Variants in PAK2 observed in about 807,000 individuals in gnomAD.
The protein encoded by PAK2 is serine/threonine-protein kinase PAK 2.
Under a neutral mutation model 65.9 loss-of-function variants are expected in PAK2, and 21 were observed. That is an observed-to-expected ratio of 0.32 (90% CI 0.23 to 0.46). PAK2 has a LOEUF of 0.46. Ranked by LOEUF, PAK2 falls within the 20% of genes least tolerant of loss-of-function variation. PAK2 has a pLI of 1.00. For synonymous variants in PAK2, 204 were observed against 219.7 expected (o/e 0.93, Z 0.63); for missense variants, 324 against 642.6 (o/e 0.50, Z 5.36).
At chr3:196,777,179 TTATTTA>T (rs1714562464) in intron 1 of PAK2, among the ~76,000 whole-genome samples, 2 of 152,160 alleles carry the variant, frequency 1.3e-5, no homozygotes, top group Non-Finnish European at 2.9e-5. Flanking sequence ...TTTAAATGAA[TTATTTA>T]AACAACTTGG....
intron 13 of PAK2, among the ~76,000 whole-genome samples, chr3:196,825,317 G>T (rs1711813111): frequency 6.6e-6 from 1 of 151,690 alleles, no homozygotes; most frequent in African/African-American, 2.4e-5. Context: ...CTGCATTCCA[G>T]CCTGGGCAAC....
chr3:196,807,954 CG>C, intron 7 of PAK2, 40 bp downstream of exon 7: 1 of 1,565,696 alleles, frequency 6.4e-7, no homozygotes, highest in Non-Finnish European at 8.7e-7. Flanking sequence ...AAATTGTTCA[CG>C]GCTCTTAAAA....
Position 196,786,470 on chromosome 3 carries a change from CTT to C in PAK2, c.187+3642_187+3643del, listed in dbSNP as rs548308782. ...GCCACCGTGCCTGTCTTCAATTTCT[CTT>C]TTTTGTGGTTCGAGCTTTTTGTTTT... is the stretch of plus-strand genomic sequence containing the variant. On this transcript the variant is annotated intron_variant, in intron 2 of 14. Transcript: ENST00000327134. Among the ~76,000 whole-genome samples, 182 of 152,140 alleles carry C rather than the reference CTT, an allele frequency of 1.2e-3. 1 individual carries two copies. Among genetic ancestry groups the C allele is most frequent in the Non-Finnish European group, 4.0e-4 (27 of 67,978 alleles).
chr3:196,751,694 T>TATATATATATATATATATATATATA (rs1211217848), intron 1 of PAK2, among the ~76,000 whole-genome samples: 1 of 45,846 alleles, frequency 2.2e-5, no homozygotes, highest in African/African-American at 1.2e-4. Flanking sequence ...TATATATATA[T>TATATATATATATATATATATATATA]AATTCAGGCT....
chr3:196,756,354 G>T (rs1713768890), intron 1 of PAK2, among the ~76,000 whole-genome samples: 1 of 151,614 alleles, frequency 6.6e-6, no homozygotes, highest in African/African-American at 2.4e-5. Context: ...GCAATTCTGG[G>T]TTTTTTTTGC....
intron 13 of PAK2, among the ~76,000 whole-genome samples, chr3:196,823,084 T>A (rs1343206451): frequency 6.6e-6 from 1 of 152,070 alleles, no homozygotes; most frequent in Non-Finnish European, 1.5e-5. Context: ...TTAATAGGAT[T>A]TCCCTGGCTG....
chr3:196,789,472 T>TTTCTTTC (rs879841933), intron 2 of PAK2, among the ~76,000 whole-genome samples: 2,256 of 139,340 alleles, frequency 0.016, 99 homozygotes, highest in Admixed American at 0.1. Context: ...GAAAACAATT[T>TTTCTTTC]TTCTTTTTTC....
intron 2 of PAK2, among the ~76,000 whole-genome samples, chr3:196,789,954 G>T (rs572629174): frequency 3.9e-5 from 6 of 152,174 alleles, no homozygotes; most frequent in Non-Finnish European, 2.9e-5. Context: ...AGGAGGTGGC[G>T]CTCAGGCGGT....
At chr3:196,798,356 T>G (rs1250173481) in intron 2 of PAK2, among the ~76,000 whole-genome samples, 1 of 151,564 alleles carries the variant, frequency 6.6e-6, no homozygotes, top group Non-Finnish European at 1.5e-5. Context: ...TCTCTTTTTT[T>G]TTTTGGAGAA....
intron 6 of PAK2, among the ~76,000 whole-genome samples, chr3:196,807,457 G>A (rs946151177): frequency 6.6e-6 from 1 of 152,118 alleles, no homozygotes; most frequent in Non-Finnish European, 1.5e-5. Context: ...CTTACCATTT[G>A]TAGTAAAAAC....
intron 1 of PAK2, among the ~76,000 whole-genome samples, chr3:196,746,767 GC>G (rs1251255764): frequency 6.7e-6 from 1 of 150,038 alleles, no homozygotes; most frequent in East Asian, 1.9e-4. Context: ...CCGAGATCGT[GC>G]CATTGCACTC....
chr3:196,802,991 C>A, intron 3 of PAK2, 26 bp from the exon 4 acceptor site: 1 of 1,491,742 alleles, frequency 6.7e-7, no homozygotes. Flanking sequence ...TAAACCATAA[C>A]TAATTTCTGA....
At chr3:196,777,728 G>T (rs1405029223) in intron 1 of PAK2, among the ~76,000 whole-genome samples, 2 of 152,094 alleles carry the variant, frequency 1.3e-5, no homozygotes, top group Non-Finnish European at 2.9e-5. Flanking sequence ...AGTACGTGTT[G>T]GTCTTTCTCC....
chr3:196,812,286 T>A lies in PAK2; in HGVS notation c.822+19T>A. 6.8e-7 allele frequency: 1 copy of A among 1,462,830 alleles called. No individual in the cohort carries two copies. Among genetic ancestry groups the A allele is most frequent in the Admixed American group, 1.7e-5 (1 of 59,786 alleles). 90.6% of individuals were successfully genotyped at this position (1,462,830 alleles called of 1,614,324 possible). Reference sequence around the variant, plus strand: ...ACAGGAGGTAGTTACTTTGTTGTAATCCTGGGTGTTACCATTATTTTGTCA... The same window carrying A: ...ACAGGAGGTAGTTACTTTGTTGTAAACCTGGGTGTTACCATTATTTTGTCA... On this transcript the variant is annotated intron_variant, in intron 9 of 14. Transcript: ENST00000327134.
rs1259222340 is a variant in PAK2, at chr3:196,830,648, G to A, written c.*2243G>A. The stretch of plus-strand genomic sequence containing the variant: ...CGACTTCTTCGATAGTTACCTGCAC[G>A]TCCATTGCTGGCAACTGACTTGTCA... On this transcript the variant is annotated 3_prime_UTR_variant, in exon 15 of 15. Transcript: ENST00000327134. 4 of 152,148 alleles carry A rather than the reference G, an allele frequency of 2.6e-5. No individual in the cohort carries two copies. Among genetic ancestry groups the A allele is most frequent in the South Asian group, 2.1e-4 (1 of 4,832 alleles). The allele number at this position is 152,148 out of a possible 1,614,324, so 9.4% of individuals were successfully genotyped here.
chr3:196,809,348 CTT>C (rs758343803), intron 7 of PAK2, among the ~76,000 whole-genome samples: 6 of 90,708 alleles, frequency 6.6e-5, no homozygotes, highest in African/African-American at 1.8e-4. Flanking sequence ...TTATTATTAT[CTT>C]TTTTTTTTTT....
chr3:196,750,946 C>T (rs543764117), intron 1 of PAK2, among the ~76,000 whole-genome samples: 8 of 152,200 alleles, frequency 5.3e-5, no homozygotes, highest in African/African-American at 1.7e-4. Context: ...TAAGTACTCA[C>T]GTTGTGGTAC....
chr3:196,787,846 A>AG (rs1714945973), intron 2 of PAK2, among the ~76,000 whole-genome samples: 1 of 152,218 alleles, frequency 6.6e-6, no homozygotes, highest in South Asian at 2.1e-4. Flanking sequence ...AAGCTGAAAC[A>AG]CAGCCCAGTC....
intron 2 of PAK2, among the ~76,000 whole-genome samples, chr3:196,795,112 A>C (rs1001888898): frequency 1.3e-5 from 2 of 152,154 alleles, no homozygotes; most frequent in African/African-American, 4.8e-5. Context: ...ACATTTGAGC[A>C]TAGGAAACAT....
Sources: allele counts gnomAD v4.1 joint callset (sites outside exome capture counted in the v4.1 genomes callset), GRCh38; gene constraint gnomAD v4.1.1; transcripts MANE v1.5; gene names NCBI Gene and HGNC (gene_info 2026-07-23, HGNC 2026-07-21).